The following DPP10 variants were observed in gnomAD, a reference collection of about 807,000 sequenced individuals.
DPP10 encodes the protein dipeptidyl peptidase like 10.
In DPP10, 33 loss-of-function variants were observed where a neutral mutation model predicts 120.9. The ratio of observed to expected loss-of-function variants is 0.27; its 90% CI spans 0.21 to 0.37. The LOEUF is 0.37. Ranked by LOEUF, DPP10 falls within the 10% of genes least tolerant of loss-of-function variation. The probability of loss-of-function intolerance (pLI) is 1.00; values close to 1 mark genes in which losing one functional copy is unlikely to be tolerated. For synonymous variants in DPP10, 337 were observed against 326.1 expected, an observed-to-expected ratio of 1.03 and a Z score of -0.36; for missense variants, 816 against 942.8, an observed-to-expected ratio of 0.87 and a Z score of 1.76.
intron 3 of DPP10, among the ~76,000 whole-genome samples, chr2:115,386,140 AAAGGAGG>A (rs2066913770): frequency 6.6e-6 from 1 of 152,202 alleles, no homozygotes; most frequent in African/African-American, 2.4e-5. Context: ...CAAACTTTAT[AAAGGAGG>A]AAAGAGTAAT....
At position 114,825,013 on chromosome 2, in the gene DPP10, T is replaced by C. The variant is rs143835166; in HGVS notation, c.60+382175T>C. 6.4e-3 allele frequency among the ~76,000 whole-genome samples: 977 copies of C among 152,294 alleles called. 9 individuals are homozygous for C. Among genetic ancestry groups the C allele is most frequent in the African/African-American group, 0.022 (920 of 41,568 alleles). On this transcript the variant is annotated intron_variant, in intron 1 of 25. Transcript: ENST00000410059. ...CAACAAGTGCTCATTGAGAATCTTCTCCGTGCAGTTAACTCAATGCTGTGG... is the reference window on the plus strand; with the variant it reads ...CAACAAGTGCTCATTGAGAATCTTCCCCGTGCAGTTAACTCAATGCTGTGG...
At chr2:114,894,535 GTTTA>G (rs935062363) in intron 1 of DPP10, among the ~76,000 whole-genome samples, 10 of 152,060 alleles carry the variant, frequency 6.6e-5, no homozygotes, top group Admixed American at 2.0e-4. Flanking sequence ...AATATTAAAT[GTTTA>G]TTTATTTATT....
chr2:115,822,205 A>G (rs1687883973), intron 21 of DPP10, among the ~76,000 whole-genome samples: 1 of 152,012 alleles, frequency 6.6e-6, no homozygotes, highest in African/African-American at 2.4e-5. Flanking sequence ...AGACTGTGCA[A>G]CTTACACTTT....
chr2:115,770,781 G>C (rs1681364752), intron 13 of DPP10, among the ~76,000 whole-genome samples: 1 of 151,874 alleles, frequency 6.6e-6, no homozygotes, highest in African/African-American at 2.4e-5. Flanking sequence ...ACTGATAAAG[G>C]AGTATATAAA....
At chr2:114,686,457 C>T (rs138440311) in intron 1 of DPP10, among the ~76,000 whole-genome samples, 7 of 151,940 alleles carry the variant, frequency 4.6e-5, no homozygotes, top group Admixed American at 1.3e-4. Context: ...CAGAATATAT[C>T]TATAGATGTA....
intron 1 of DPP10, among the ~76,000 whole-genome samples, chr2:114,686,841 G>C (rs1699402769): frequency 6.6e-6 from 1 of 151,860 alleles, no homozygotes; most frequent in Non-Finnish European, 1.5e-5. Flanking sequence ...CATAATTCAA[G>C]TATCACACAT....
intron 1 of DPP10, among the ~76,000 whole-genome samples, chr2:114,916,870 T>C (rs1357174126): frequency 1.3e-5 from 2 of 151,978 alleles, no homozygotes; most frequent in African/African-American, 4.8e-5. Flanking sequence ...CCATACTGAG[T>C]GGGCAAAAGT....
chr2:114,525,607 G>C (rs971020619), intron 1 of DPP10, among the ~76,000 whole-genome samples: 1 of 152,134 alleles, frequency 6.6e-6, no homozygotes, highest in Non-Finnish European at 1.5e-5. Context: ...AGTGAAAGAG[G>C]CCTAGTTTTC....
chr2:114,943,303 T>G (rs1294945807), intron 1 of DPP10, among the ~76,000 whole-genome samples: 1 of 152,148 alleles, frequency 6.6e-6, no homozygotes. Flanking sequence ...AGACGGAATC[T>G]TGCTCTGTCA....
chr2:115,418,984 G>A (rs1275558088), intron 3 of DPP10, among the ~76,000 whole-genome samples: 1 of 152,072 alleles, frequency 6.6e-6, no homozygotes, highest in Non-Finnish European at 1.5e-5. Flanking sequence ...TCTAATGATT[G>A]TATGAAGTCT....
At chr2:115,573,108 A>G (rs1434599718) in intron 5 of DPP10, among the ~76,000 whole-genome samples, 1 of 152,158 alleles carries the variant, frequency 6.6e-6, no homozygotes, top group African/African-American at 2.4e-5. Context: ...AATAATATGC[A>G]GGTAGAGCCT....
intron 1 of DPP10, among the ~76,000 whole-genome samples, chr2:114,915,469 C>T (rs924889433): frequency 9.9e-5 from 15 of 152,186 alleles, no homozygotes; most frequent in African/African-American, 3.6e-4. Context: ...ACATTTAAGA[C>T]CTCAATGCAA....
intron 1 of DPP10, among the ~76,000 whole-genome samples, chr2:114,887,795 G>C (rs975265367): frequency 6.6e-6 from 1 of 152,204 alleles, no homozygotes; most frequent in South Asian, 2.1e-4. Context: ...CTAATGGCCT[G>C]ATCTTACATT....
intron 1 of DPP10, among the ~76,000 whole-genome samples, chr2:114,752,790 C>A (rs549339682): frequency 1.3e-5 from 2 of 152,278 alleles, no homozygotes; most frequent in African/African-American, 4.8e-5. Context: ...TTACTTGCTT[C>A]CGTTTTCCAC....
At chr2:115,371,841 GA>G (rs1168594475) in intron 3 of DPP10, among the ~76,000 whole-genome samples, 3 of 152,026 alleles carry the variant, frequency 2.0e-5, no homozygotes, top group Non-Finnish European at 4.4e-5. Flanking sequence ...TAAAAAAACA[GA>G]GCAGGAAATC....
At chr2:114,618,470 A>G (rs148618505) in intron 1 of DPP10, among the ~76,000 whole-genome samples, 12 of 152,156 alleles carry the variant, frequency 7.9e-5, no homozygotes, top group African/African-American at 2.9e-4. Context: ...TCAAAATATT[A>G]ATGAAAATGA....
At chr2:114,730,414 G>A (rs1676779469) in intron 1 of DPP10, among the ~76,000 whole-genome samples, 1 of 152,118 alleles carries the variant, frequency 6.6e-6, no homozygotes, top group Admixed American at 6.5e-5. Flanking sequence ...ACAGTACTTT[G>A]GTGTGGTCAT....
At chr2:115,608,411 T>A (rs754444937) in intron 5 of DPP10, among the ~76,000 whole-genome samples, 1 of 92,720 alleles carries the variant, frequency 1.1e-5, no homozygotes, top group South Asian at 4.8e-4. Context: ...ATAATAACAA[T>A]AACAACAAAA....
At chr2:114,829,317 T>G (rs889580248) in intron 1 of DPP10, among the ~76,000 whole-genome samples, 5 of 150,718 alleles carry the variant, frequency 3.3e-5, no homozygotes, top group African/African-American at 1.2e-4. Flanking sequence ...TAAATATAAA[T>G]AGACTAGTTA....
Sources: allele counts gnomAD v4.1 joint callset (sites outside exome capture counted in the v4.1 genomes callset), GRCh38; gene constraint gnomAD v4.1.1; transcripts MANE v1.5; gene names NCBI Gene and HGNC (gene_info 2026-07-23, HGNC 2026-07-21).